The following LUZP2 variants were observed in gnomAD, a reference collection of about 807,000 sequenced individuals.
LUZP2 encodes the protein leucine zipper protein 2.
Under a neutral mutation model 51.6 loss-of-function variants are expected in LUZP2, and 52 were observed. The observed-to-expected ratio is 1.01, with a 90% confidence interval of 0.81 to 1.27. LUZP2 has a LOEUF of 1.27. Among genes scored for constraint, LUZP2 ranks in the 50% most tolerant of loss-of-function variants. The probability of loss-of-function intolerance (pLI) is 0.00; values close to 1 mark genes in which losing one functional copy is unlikely to be tolerated. For synonymous variants in LUZP2, 154 were observed against 137.3 expected (o/e 1.12, Z -0.85); for missense variants, 436 against 395.4 (o/e 1.10, Z -0.87).
At chr11:24,646,192 G>A (rs1590288799) in intron 1 of LUZP2, among the ~76,000 whole-genome samples, 2 of 152,078 alleles carry the variant, frequency 1.3e-5, no homozygotes. Context: ...TGCTTTCTGT[G>A]TTTATGTACA....
chr11:24,764,489 C>CAAAAAAAAAAAAAAAAAAAAAAAAAA (rs1565124723), intron 5 of LUZP2, among the ~76,000 whole-genome samples: 3 of 56,420 alleles, frequency 5.3e-5, no homozygotes, highest in South Asian at 6.3e-4. Context: ...AATCTCATCT[C>CAAAAAAAAAAAAAAAAAAAAAAAAAA]TAAAAAAAAA....
chr11:24,958,566 T>G (rs2133874348), intron 7 of LUZP2, among the ~76,000 whole-genome samples: 2 of 152,288 alleles, frequency 1.3e-5, no homozygotes, highest in East Asian at 3.9e-4. Flanking sequence ...GAGAAGTGTC[T>G]GTTCATGTCC....
chr11:24,796,647 G>A (rs1849554790), intron 5 of LUZP2, among the ~76,000 whole-genome samples: 1 of 151,734 alleles, frequency 6.6e-6, no homozygotes, highest in Non-Finnish European at 1.5e-5. Context: ...GACTGCTGGG[G>A]AACTCTGGTC....
intron 5 of LUZP2, among the ~76,000 whole-genome samples, chr11:24,879,982 C>T (rs1019593774): frequency 6.6e-6 from 1 of 152,172 alleles, no homozygotes; most frequent in Non-Finnish European, 1.5e-5. Context: ...ATGTCACATG[C>T]TCCCCATGTC....
chr11:24,850,499 T>C (rs1851358517), intron 5 of LUZP2, among the ~76,000 whole-genome samples: 1 of 152,042 alleles, frequency 6.6e-6, no homozygotes, highest in Non-Finnish European at 1.5e-5. Flanking sequence ...TTGGTCCCAG[T>C]AACATGCTGT....
intron 5 of LUZP2, among the ~76,000 whole-genome samples, chr11:24,790,744 C>T (rs113529334): frequency 5.3e-4 from 81 of 152,248 alleles, no homozygotes; most frequent in African/African-American, 1.8e-3. Flanking sequence ...TCAGGTGATC[C>T]ACCTGCCTCG....
chr11:24,951,080 G>A (rs1233527363), intron 7 of LUZP2, among the ~76,000 whole-genome samples: 2 of 151,434 alleles, frequency 1.3e-5, no homozygotes, highest in Non-Finnish European at 3.0e-5. Context: ...TCATTTGGGA[G>A]GCAATGAAGC....
intron 1 of LUZP2, among the ~76,000 whole-genome samples, chr11:24,506,170 G>A (rs552463320): frequency 2.0e-5 from 3 of 152,226 alleles, no homozygotes; most frequent in South Asian, 4.1e-4. Context: ...AGAAGGAAAG[G>A]AGAAACTTAG....
intron 10 of LUZP2, among the ~76,000 whole-genome samples, chr11:25,067,207 C>G (rs892123766): frequency 1.3e-5 from 2 of 151,920 alleles, no homozygotes; most frequent in Non-Finnish European, 2.9e-5. Flanking sequence ...TGTTCATATC[C>G]TTTGGCCACT....
chr11:24,731,770 G>A (rs1303919140), intron 2 of LUZP2, among the ~76,000 whole-genome samples: 1 of 151,754 alleles, frequency 6.6e-6, no homozygotes, highest in Non-Finnish European at 1.5e-5. Context: ...TGTAGAAGCT[G>A]TGCCAGACCT....
At chr11:25,049,693 AAAAG>A (rs1352844596) in intron 9 of LUZP2, among the ~76,000 whole-genome samples, 6 of 152,104 alleles carry the variant, frequency 3.9e-5, no homozygotes, top group African/African-American at 1.4e-4. Context: ...GGTTAAAATA[AAAAG>A]AAAGGACAGG....
chr11:25,041,596 G>T (rs60112958), intron 9 of LUZP2, among the ~76,000 whole-genome samples: 1 of 151,878 alleles, frequency 6.6e-6, no homozygotes, highest in Non-Finnish European at 1.5e-5. Flanking sequence ...GATTATATAC[G>T]TATATAAAGT....
chr11:25,037,020 G>C (rs763544248), intron 9 of LUZP2, among the ~76,000 whole-genome samples: 3 of 152,128 alleles, frequency 2.0e-5, no homozygotes, highest in Admixed American at 6.6e-5. Flanking sequence ...TTAGCTTTCT[G>C]CCTCGATGAT....
intron 5 of LUZP2, among the ~76,000 whole-genome samples, chr11:24,895,246 G>A (rs1003628119): frequency 6.6e-6 from 1 of 152,072 alleles, no homozygotes; most frequent in Non-Finnish European, 1.5e-5. Flanking sequence ...TTCGCTCTTG[G>A]AAGAACCCAG....
chr11:24,634,042 ACT>A (rs1854990622), intron 1 of LUZP2, among the ~76,000 whole-genome samples: 2 of 151,864 alleles, frequency 1.3e-5, no homozygotes, highest in East Asian at 1.9e-4. Context: ...AAGAGCTGAG[ACT>A]CTGAAGACAG....
At chr11:24,571,341 C>CTCTT (rs1207545822) in intron 1 of LUZP2, among the ~76,000 whole-genome samples, 1 of 147,976 alleles carries the variant, frequency 6.8e-6, no homozygotes, top group Non-Finnish European at 1.5e-5. Context: ...GTCCAGACAG[C>CTCTT]TCTTTCAGGT....
At chr11:24,516,732 G>A (rs945539766) in intron 1 of LUZP2, among the ~76,000 whole-genome samples, 11 of 152,142 alleles carry the variant, frequency 7.2e-5, no homozygotes, top group African/African-American at 2.2e-4. Flanking sequence ...GTAGTCATTT[G>A]TAATATTTTA....
chr11:24,792,517 G>T (rs1849436239), intron 5 of LUZP2, among the ~76,000 whole-genome samples: 1 of 151,782 alleles, frequency 6.6e-6, no homozygotes, highest in South Asian at 2.1e-4. Flanking sequence ...TGCTGTGTTG[G>T]TTTTTTTTGC....
At chr11:24,579,405 A>G (rs1183582293) in intron 1 of LUZP2, among the ~76,000 whole-genome samples, 1 of 152,106 alleles carries the variant, frequency 6.6e-6, no homozygotes, top group East Asian at 1.9e-4. Context: ...GGATAAAGTT[A>G]AATACTACTA....
Sources: allele counts gnomAD v4.1 joint callset (sites outside exome capture counted in the v4.1 genomes callset), GRCh38; gene constraint gnomAD v4.1.1; transcripts MANE v1.5; gene names NCBI Gene and HGNC (gene_info 2026-07-23, HGNC 2026-07-21).